SLC7A6: variants seen among roughly 807,000 people sequenced by gnomAD.
SLC7A6 encodes the protein solute carrier family 7 member 6.
SLC7A6 carries 29 observed loss-of-function variants against 46.6 expected under a neutral mutation model. That is an observed-to-expected ratio of 0.62 (90% CI 0.46 to 0.85). The LOEUF (loss-of-function observed/expected upper bound fraction) is 0.85, where lower values mean the gene tolerates loss of function less well. SLC7A6 is among the 40% of genes least tolerant of loss of function. The pLI is 0.00. For missense variants in SLC7A6, 527 were observed against 647.6 expected (o/e 0.81, Z 2.02); for synonymous variants, 276 against 257.3 (o/e 1.07, Z -0.70).
At chr16:68,285,482 C>G (rs2042912372) in intron 3 of SLC7A6, among the ~76,000 whole-genome samples, 1 of 152,194 alleles carries the variant, frequency 6.6e-6, no homozygotes, top group Admixed American at 6.5e-5. Flanking sequence ...CTGCCAGCAG[C>G]ATGCATTTCT....
chr16:68,271,259 C>G (rs2042618954), intron 2 of SLC7A6, among the ~76,000 whole-genome samples: 1 of 152,154 alleles, frequency 6.6e-6, no homozygotes. Context: ...TCCCAAAATA[C>G]TAGGATTATA....
intron 8 of SLC7A6, among the ~76,000 whole-genome samples, chr16:68,296,134 T>C (rs1487842313): frequency 2.6e-5 from 4 of 151,908 alleles, no homozygotes; most frequent in Non-Finnish European, 4.4e-5. Flanking sequence ...GGGGGAGGCA[T>C]TGAGTGGAGG....
rs1159527778 is a variant in SLC7A6, at chr16:68,298,993, TAAAG to T, written c.*1667_*1670del. Reference sequence around the variant, plus strand: ...TAACCTTGGCCATATATTTGCTCAATAAAGATTGAAGGAAGCATGGTCATAGTTG... The same window carrying T: ...TAACCTTGGCCATATATTTGCTCAATATTGAAGGAAGCATGGTCATAGTTG... On this transcript the variant is annotated 3_prime_UTR_variant, in exon 11 of 11. Transcript: ENST00000219343. 1.3e-5 allele frequency: 2 copies of T among 152,612 alleles called. No individual in the cohort carries two copies. The highest frequency in any genetic ancestry group is 2.9e-5 in the Non-Finnish European group (2 of 68,042). 9.5% of individuals were successfully genotyped at this position (152,612 alleles called of 1,614,324 possible).
rs2043218111 is a variant in SLC7A6 at position 68,298,743 on chromosome 16, C to CTCTGGCCT, written c.*1415_*1416insTCTGGCCT. 6.6e-6 allele frequency: 1 copy of CTCTGGCCT among 152,276 alleles called. No homozygotes were observed. Among genetic ancestry groups the CTCTGGCCT allele is most frequent in the Non-Finnish European group, 1.5e-5 (1 of 68,088 alleles). The allele number at this position is 152,276 out of a possible 1,614,324, so 9.4% of individuals were successfully genotyped here. ...TGGTGCTCAGGCTGGGCTCTCCACC[C>CTCTGGCCT]AAGTTAGGCCTGCTCTGGCCTAATG... On this transcript the variant is annotated 3_prime_UTR_variant, in exon 11 of 11. Coordinates refer to ENST00000219343, the MANE Select transcript of SLC7A6 (RefSeq NM_003983.6).
At position 68,291,551 on chromosome 16, in the gene SLC7A6, C is replaced by T; in HGVS notation, c.919-7C>T. 6 of 1,613,556 alleles carry T rather than the reference C, an allele frequency of 3.7e-6. No homozygotes were observed. The highest frequency in any genetic ancestry group is 5.1e-6 in the Non-Finnish European group (6 of 1,179,616). ...GTTTAAGTGCCTTTTCTGTGCCCTG[C>T]CCCCAGACATTTGCTGACCAGACGT... On this transcript the variant is annotated splice_polypyrimidine_tract_variant and splice_region_variant and intron_variant, in intron 6 of 10. Coordinates refer to ENST00000219343, the MANE Select transcript of SLC7A6 (RefSeq NM_003983.6).
intron 2 of SLC7A6, among the ~76,000 whole-genome samples, chr16:68,270,513 G>A (rs1555529805): frequency 6.6e-6 from 1 of 152,160 alleles, no homozygotes; most frequent in Non-Finnish European, 1.5e-5. Context: ...TACTTGCCCA[G>A]TATTTCTTCT....
chr16:68,273,605 G>A (rs2042658548), intron 2 of SLC7A6, among the ~76,000 whole-genome samples: 1 of 152,284 alleles, frequency 6.6e-6, no homozygotes, highest in African/African-American at 2.4e-5. Context: ...AAATACACCA[G>A]TGGCAAATTA....
chr16:68,274,042 G>A (rs2042666698), intron 2 of SLC7A6: 1 of 152,462 alleles, frequency 6.6e-6, no homozygotes, highest in African/African-American at 2.4e-5. Flanking sequence ...TTACAGGTGG[G>A]AGCCACTGCG....
chr16:68,275,425 GTCTCT>G (rs2042694330), intron 3 of SLC7A6, among the ~76,000 whole-genome samples, 176 bp downstream of exon 3: 1 of 151,728 alleles, frequency 6.6e-6, no homozygotes, highest in Non-Finnish European at 1.5e-5. Flanking sequence ...GAGAAACCCC[GTCTCT>G]ACTGAAAAAA....
intron 3 of SLC7A6, among the ~76,000 whole-genome samples, chr16:68,277,212 G>A (rs2042727894): frequency 1.3e-5 from 2 of 151,234 alleles, no homozygotes; most frequent in Non-Finnish European, 2.9e-5. Context: ...TCAGCCTCCC[G>A]AGTAGCCAGG....
At chr16:68,288,789 C>A (rs1407089296) in intron 4 of SLC7A6, among the ~76,000 whole-genome samples, 1 of 151,882 alleles carries the variant, frequency 6.6e-6, no homozygotes, top group Non-Finnish European at 1.5e-5. Context: ...CATAGAGAAA[C>A]CCTGTCTCTA....
intron 3 of SLC7A6, among the ~76,000 whole-genome samples, chr16:68,278,703 T>C (rs2042765989): frequency 6.6e-6 from 1 of 152,236 alleles, no homozygotes. Context: ...GTCTCCTATG[T>C]CTACTTCTTT....
At chr16:68,275,386 G>A in intron 3 of SLC7A6, 137 bp downstream of exon 3, 1 of 1,049,870 alleles carries the variant, frequency 9.5e-7, no homozygotes, top group Non-Finnish European at 1.4e-6. Context: ...ACCTGAGGTT[G>A]GGAGTTCGAG....
At chr16:68,273,866 G>A (rs1486473329) in intron 2 of SLC7A6, 1 of 151,600 alleles carries the variant, frequency 6.6e-6, no homozygotes, top group Non-Finnish European at 1.5e-5. Context: ...CCTGGTTCAA[G>A]CGATTCTCCT....
chr16:68,301,093 A>G lies in SLC7A6; in HGVS notation c.*3765A>G. On this transcript the variant is annotated 3_prime_UTR_variant, in exon 11 of 11. Coordinates refer to ENST00000219343, the MANE Select transcript of SLC7A6 (RefSeq NM_003983.6). Reference sequence around the variant, plus strand: ...GCAAAGGGGTCCTACTGTAAGTGGAAAAGACTCACTCCCCTAACATAAGTT... The same window carrying G: ...GCAAAGGGGTCCTACTGTAAGTGGAGAAGACTCACTCCCCTAACATAAGTT... 13 of 1,310,754 alleles carry G rather than the reference A, an allele frequency of 9.9e-6. No individual in the cohort carries two copies. The highest frequency in any genetic ancestry group is 1.3e-5 in the Non-Finnish European group (13 of 1,028,240). 81.2% of individuals were successfully genotyped at this position (1,310,754 alleles called of 1,614,324 possible). A position where few individuals can be genotyped will look rare whatever the true frequency, so the allele number is the denominator to read the frequency against.
Position 68,300,683 on chromosome 16 carries a change from C to T in SLC7A6, c.*3355C>T, listed in dbSNP as rs1057244083. 2.0e-6 allele frequency: 2 copies of T among 985,354 alleles called. No individual in the cohort carries two copies. The highest frequency in any genetic ancestry group is 1.1e-4 in the East Asian group (1 of 8,836). 61.0% of individuals were successfully genotyped at this position (985,354 alleles called of 1,614,324 possible). On this transcript the variant is annotated 3_prime_UTR_variant, in exon 11 of 11. Coordinates refer to ENST00000219343, the MANE Select transcript of SLC7A6 (RefSeq NM_003983.6). The stretch of plus-strand genomic sequence containing the variant: ...TCATATATATTGTTTCTTGGCCCCA[C>T]TGCCAAAGGAAGTCAGTCAGTAATT...
chr16:68,294,360 T>G (rs2043119201), intron 7 of SLC7A6, among the ~76,000 whole-genome samples: 1 of 152,148 alleles, frequency 6.6e-6, no homozygotes, highest in Admixed American at 6.5e-5. Context: ...TAGCTATGAA[T>G]CTGGCATGGA....
intron 2 of SLC7A6, among the ~76,000 whole-genome samples, chr16:68,273,505 A>G (rs1421459220): frequency 1.3e-5 from 2 of 152,040 alleles, no homozygotes; most frequent in Non-Finnish European, 1.5e-5. Flanking sequence ...CAGGGTCAGG[A>G]AGGTGCTTAT....
At chr16:68,274,062 G>T (rs1162294011) in intron 2 of SLC7A6, among the ~76,000 whole-genome samples, 1 of 152,126 alleles carries the variant, frequency 6.6e-6, no homozygotes, top group Non-Finnish European at 1.5e-5. Context: ...GCCCAGCCAG[G>T]TGTGTATTTT....
Sources: gnomAD v4.1 joint callset for allele counts (sites outside exome capture counted in the v4.1 genomes callset) on GRCh38, gnomAD v4.1.1 for gene constraint, MANE v1.5 for transcripts, NCBI Gene and HGNC (gene_info 2026-07-23, HGNC 2026-07-21) for gene names.